PRRC2C: variants seen among roughly 807,000 people sequenced by gnomAD.
The protein encoded by PRRC2C is proline rich coiled-coil 2C.
Under a neutral mutation model 317.2 loss-of-function variants are expected in PRRC2C, and 72 were observed. The observed-to-expected ratio is 0.23, with a 90% CI of 0.19 to 0.28. The LOEUF is 0.28. PRRC2C is among the 10% of genes least tolerant of loss of function. The probability of loss-of-function intolerance (pLI) is 1.00; values close to 1 mark genes in which losing one functional copy is unlikely to be tolerated. For missense variants in PRRC2C, 3,074 were observed against 3,459.7 expected (o/e 0.89, Z 2.80); for synonymous variants, 1,296 against 1,205.9 (o/e 1.07, Z -1.55).
In PRRC2C at chr1:171,542,107, T is replaced by A; in HGVS notation, c.4641T>A (p.Ser1547Arg). 1 of 1,613,860 alleles carries A rather than the reference T, an allele frequency of 6.2e-7. No homozygotes were observed. Among genetic ancestry groups the A allele is most frequent in the Non-Finnish European group, 8.5e-7 (1 of 1,179,842 alleles). ...KREIAKRSFS[S>R]QRPVDRQNRR... Reference sequence around the variant, plus strand: ...AAATTGCAAAGAGAAGTTTTTCTAGTCAGAGACCAGTAGATCGTCAGAATC... The same window carrying A: ...AAATTGCAAAGAGAAGTTTTTCTAGACAGAGACCAGTAGATCGTCAGAATC... Residue 1547 changes from serine (S) to arginine (R), a missense_variant, in exon 16 of 35, where the codon AGT becomes AGA. This residue lies in a region of PRRC2C where 178 missense variants were observed against 163.0 expected (regional missense o/e 1.09). Coordinates refer to ENST00000647382, the MANE Select transcript of PRRC2C (RefSeq NM_001387844.1).
chr1:171,527,714 C>A, intron 10 of PRRC2C, 77 bp from the exon 11 acceptor site: 2 of 1,242,638 alleles, frequency 1.6e-6, no homozygotes, highest in Non-Finnish European at 2.3e-6. Context: ...CAAGATCATG[C>A]CACTGCACTC....
chr1:171,523,565 G>T, intron 9 of PRRC2C, 43 bp downstream of exon 9: 1 of 1,456,542 alleles, frequency 6.9e-7, no homozygotes, highest in South Asian at 1.2e-5. Flanking sequence ...TGAATTTGTT[G>T]ATACAATATT....
rs541575170 is a variant in PRRC2C, at chr1:171,493,721, G to C, written c.-58+7986G>C. On this transcript the variant is annotated intron_variant, in intron 1 of 34. Coordinates refer to ENST00000647382, the MANE Select transcript of PRRC2C (RefSeq NM_001387844.1). ...TGTAACCCCAGCTACTCAGGAGGCT[G>C]AGGCTGGAGAATTGCTTGAGCCTGG... Among the ~76,000 whole-genome samples, 18 of 152,256 alleles carry C rather than the reference G, an allele frequency of 1.2e-4. No homozygotes were observed. The East Asian group carries it at 3.3e-3, about 28-fold the overall frequency.
At chr1:171,506,262 A>C (rs1019904993) in intron 1 of PRRC2C, among the ~76,000 whole-genome samples, 3 of 152,132 alleles carry the variant, frequency 2.0e-5, no homozygotes, top group South Asian at 4.1e-4. Flanking sequence ...TTTTTCTTTC[A>C]GTACTTTAAG....
rs1237957240 is a variant in PRRC2C at position 171,557,917 on chromosome 1, G to A, written c.5805G>A (p.Gln1935=). ...NPAPPAPAQT[Q]AQTHKPVQNP... is the part of the protein sequence containing the mutation. ...CCCCACCTGCCCCAGCCCAGACTCA[G>A]GCACAGACCCACAAACCAGTCCAGA... Residue 1935 remains glutamine (Q), a synonymous_variant, in exon 19 of 35, where the codon CAG becomes CAA. Coordinates refer to ENST00000647382, the MANE Select transcript of PRRC2C (RefSeq NM_001387844.1). The A allele has an allele frequency of 3.9e-6, 6 of 1,554,826 alleles. No individual in the cohort carries two copies. In the East Asian group the frequency reaches 1.5e-4, roughly 38 times the overall value.
At chr1:171,495,028 A>G (rs1270280485) in intron 1 of PRRC2C, among the ~76,000 whole-genome samples, 1 of 152,166 alleles carries the variant, frequency 6.6e-6, no homozygotes, top group Non-Finnish European at 1.5e-5. Context: ...GTTTAATGTA[A>G]CTTACTCACT....
Position 171,532,926 on chromosome 1 carries a change from T to C in PRRC2C, c.1838T>C (p.Val613Ala), listed in dbSNP as rs746066516. 2 of 1,565,416 alleles carry C rather than the reference T, an allele frequency of 1.3e-6. No individual in the cohort carries two copies. The highest frequency in any genetic ancestry group is 1.7e-6 in the Non-Finnish European group (2 of 1,166,816). The part of the protein sequence containing the change: ...EPREPNLEPM[V>A]EKQESENSCN... ...AGAGAACCTAATTTAGAGCCCATGG[T>C]AGAAAAACAAGAAAGTGAAAACAGC... Residue 613 changes from valine (V) to alanine (A), a missense_variant, in exon 12 of 35, where the codon GTA (valine) becomes GCA (alanine). By Grantham distance (64) the Val-to-Ala change is moderately conservative. Coordinates refer to ENST00000647382, the MANE Select transcript of PRRC2C (RefSeq NM_001387844.1).
chr1:171,536,034 G>C lies in PRRC2C; in HGVS notation c.2049G>C (p.Gln683His). ...ATGGGATCTTACTTTTTCAGGAACAGATGAAACAGCAGCAGTGGCAGCAGC... is the reference window on the plus strand; with the variant it reads ...ATGGGATCTTACTTTTTCAGGAACACATGAAACAGCAGCAGTGGCAGCAGC... ...LPPRFQRQQE[Q>H]MKQQQWQQQQ... The change falls in exon 14 of 35, where the codon CAG becomes CAC. Residue 683 changes from glutamine (Q) to histidine (H), a missense_variant. Gln to His is a conservative substitution (Grantham distance 24). This residue lies in a region of PRRC2C where 1,320 missense variants were observed against 1,395.7 expected (regional missense o/e 0.95). Transcript: ENST00000647382. 6.4e-7 allele frequency: 1 copy of C among 1,552,190 alleles called. No individual in the cohort carries two copies. Among genetic ancestry groups the C allele is most frequent in the Non-Finnish European group, 8.7e-7 (1 of 1,147,132 alleles).
chr1:171,529,247 T>C (rs965814379), intron 11 of PRRC2C, among the ~76,000 whole-genome samples: 1 of 152,160 alleles, frequency 6.6e-6, no homozygotes, highest in African/African-American at 2.4e-5. Context: ...TTTCCTTGGG[T>C]ATGTCTTCTA....
At chr1:171,567,838 C>G (rs975813833) in intron 22 of PRRC2C, among the ~76,000 whole-genome samples, 3 of 152,180 alleles carry the variant, frequency 2.0e-5, no homozygotes, top group African/African-American at 7.2e-5. Flanking sequence ...AAAGTCTGCT[C>G]TCTTCCCCTG....
In PRRC2C at chr1:171,592,316, A is replaced by G. The variant is rs1651599037; in HGVS notation, c.*469A>G. On this transcript the variant is annotated 3_prime_UTR_variant, in exon 35 of 35. Transcript: ENST00000647382. The stretch of plus-strand genomic sequence containing the variant: ...TTATGGCATTTGTAGGCTTGGAGGT[A>G]AAGAACTGAAGATAACTGGTGCTGG... 2 of 153,730 alleles carry G rather than the reference A, an allele frequency of 1.3e-5. No individual in the cohort carries two copies. The allele number at this position is 153,730 out of a possible 1,614,324, so 9.5% of individuals were successfully genotyped here.
intron 1 of PRRC2C, 185 bp from the exon 2 acceptor site, chr1:171,511,847 A>T: frequency 3.0e-6 from 1 of 332,058 alleles, no homozygotes; most frequent in Non-Finnish European, 5.8e-6. Flanking sequence ...TATATAACTG[A>T]TATGTTTCAC....
intron 30 of PRRC2C, among the ~76,000 whole-genome samples, chr1:171,585,950 A>G (rs1240787337): frequency 2.0e-5 from 3 of 151,964 alleles, no homozygotes; most frequent in African/African-American, 4.8e-5. Flanking sequence ...TTTCATACAT[A>G]CTTTATACAT....
intron 24 of PRRC2C, among the ~76,000 whole-genome samples, chr1:171,571,627 T>C (rs903489213): frequency 2.0e-5 from 3 of 152,214 alleles, no homozygotes; most frequent in Non-Finnish European, 4.4e-5. Context: ...ATATTTAAAG[T>C]GAGGCCTATT....
chr1:171,558,757 G>T (rs1011551075), intron 19 of PRRC2C, among the ~76,000 whole-genome samples: 23 of 152,082 alleles, frequency 1.5e-4, no homozygotes, highest in African/African-American at 5.6e-4. Context: ...AAATTAGGCC[G>T]ATTAATAACT....
At chr1:171,554,535 G>A (rs558255739) in intron 18 of PRRC2C, among the ~76,000 whole-genome samples, 49 of 152,252 alleles carry the variant, frequency 3.2e-4, no homozygotes, top group African/African-American at 1.1e-3. Context: ...TGTTTTGCCC[G>A]TTAATTGATG....
At chr1:171,531,261 G>T (rs1327633406) in intron 11 of PRRC2C, among the ~76,000 whole-genome samples, 1 of 152,196 alleles carries the variant, frequency 6.6e-6, no homozygotes, top group Non-Finnish European at 1.5e-5. Flanking sequence ...TTACACAGGT[G>T]TATCATTTGT....
intron 5 of PRRC2C, 120 bp from the exon 6 acceptor site, chr1:171,517,471 G>A: frequency 2.2e-6 from 2 of 918,702 alleles, no homozygotes; most frequent in South Asian, 1.7e-5. Flanking sequence ...ACCTGGATTA[G>A]ACTTTTCCTG....
chr1:171,572,667 G>A (rs1684979693), intron 24 of PRRC2C, among the ~76,000 whole-genome samples: 1 of 152,202 alleles, frequency 6.6e-6, no homozygotes, highest in Middle Eastern at 3.4e-3. Context: ...TTGAATGACT[G>A]TCTTAATCTG....
Sources: allele counts gnomAD v4.1 joint callset (sites outside exome capture counted in the v4.1 genomes callset), GRCh38; gene constraint gnomAD v4.1.1; regional missense constraint gnomAD v4.1.1; transcripts MANE v1.5; gene names NCBI Gene and HGNC (gene_info 2026-07-23, HGNC 2026-07-21).